Variants in VTI1A observed in about 807,000 individuals in gnomAD.
The protein encoded by VTI1A is vesicle transport through interaction with t-SNAREs homolog 1A.
A neutral mutation model predicts 34.9 loss-of-function variants in VTI1A; 22 were observed. The ratio of observed to expected loss-of-function variants is 0.63; its 90% CI spans 0.45 to 0.90. The LOEUF (loss-of-function observed/expected upper bound fraction) is 0.90. Among genes scored for constraint, VTI1A ranks in the 40% least tolerant of loss-of-function variants. The pLI is 0.00. For synonymous variants in VTI1A, 87 were observed against 97.3 expected (o/e 0.89, Z 0.62); for missense variants, 268 against 275.6 (o/e 0.97, Z 0.20).
At position 112,545,216 on chromosome 10, in the gene VTI1A, G is replaced by T. The variant is rs188038071; in HGVS notation, c.427+6886G>T. On this transcript the variant is annotated intron_variant, in intron 5 of 7. Coordinates refer to ENST00000393077, the MANE Select transcript of VTI1A (RefSeq NM_145206.4). ...TTTATCATTAATTCTTTAACAATTG[G>T]CGTGTGTTTCCAAAGATTCTTTTGT... Among the ~76,000 whole-genome samples the T allele has an allele frequency of 4.0e-4, 61 of 152,286 alleles. 1 individual carries two copies. The East Asian group carries it at 0.011, about 28-fold the overall frequency.
the VTI1A span, among the ~76,000 whole-genome samples, chr10:112,838,589 G>C: frequency 2.1e-4 from 32 of 152,262 alleles, no homozygotes; most frequent in Admixed American, 1.6e-3. Flanking sequence ...GAAGGGAGTA[G>C]GCAGGACGGG....
chr10:112,799,047 G>T (rs1852777445), intron 7 of VTI1A, among the ~76,000 whole-genome samples: 1 of 152,154 alleles, frequency 6.6e-6, no homozygotes, highest in Admixed American at 6.5e-5. Flanking sequence ...GGCTCCTGTT[G>T]ACCCCTCCCT....
Position 112,561,413 on chromosome 10 carries a change from A to G in VTI1A, c.427+23083A>G, listed in dbSNP as rs143579404. On this transcript the variant is annotated intron_variant, in intron 5 of 7. Transcript: ENST00000393077. The stretch of plus-strand genomic sequence containing the variant: ...TGGAATATAATGTTTGTTTCGCTGA[A>G]ATTTTGTAACAAGAAGTAGGCAGAA... Among the ~76,000 whole-genome samples, 588 of 152,292 alleles carry G rather than the reference A, an allele frequency of 3.9e-3. 3 individuals are homozygous for G. The highest frequency in any genetic ancestry group is 6.1e-3 in the Non-Finnish European group (415 of 68,014).
At chr10:112,820,842 G>A (rs117139277), downstream of VTI1A, among the ~76,000 whole-genome samples, 174 of 152,288 alleles carry the variant, frequency 1.1e-3, 1 homozygote, top group East Asian at 0.026. Context: ...ATATGTTGGG[G>A]GTTGGGTAGC....
At chr10:112,676,053 G>A (rs767418034) in intron 7 of VTI1A, among the ~76,000 whole-genome samples, 14 of 152,026 alleles carry the variant, frequency 9.2e-5, no homozygotes, top group Non-Finnish European at 1.3e-4. Context: ...TATCGTCATC[G>A]GTTTTAAAAG....
intron 3 of VTI1A, among the ~76,000 whole-genome samples, chr10:112,485,993 G>A (rs1848611885): frequency 6.6e-6 from 1 of 152,008 alleles, no homozygotes; most frequent in Non-Finnish European, 1.5e-5. Flanking sequence ...TCTTTTTGTA[G>A]CATCCTTTTA....
chr10:112,565,271 G>A (rs1014830439), intron 5 of VTI1A, among the ~76,000 whole-genome samples: 1 of 151,990 alleles, frequency 6.6e-6, no homozygotes, highest in Non-Finnish European at 1.5e-5. Flanking sequence ...CTATTTTAAA[G>A]AGATTACCAA....
chr10:112,533,073 A>G (rs1314825222), intron 4 of VTI1A, among the ~76,000 whole-genome samples: 1 of 152,102 alleles, frequency 6.6e-6, no homozygotes. Flanking sequence ...CCAAAGCATG[A>G]GCTATTAATC....
At chr10:112,535,778 T>C (rs565738102) in intron 4 of VTI1A, among the ~76,000 whole-genome samples, 3 of 152,320 alleles carry the variant, frequency 2.0e-5, no homozygotes, top group African/African-American at 7.2e-5. Context: ...CAGCTGCTAC[T>C]GTAGTGTATT....
At chr10:112,803,943 C>T (rs1193218588) in intron 7 of VTI1A, among the ~76,000 whole-genome samples, 2 of 152,212 alleles carry the variant, frequency 1.3e-5, no homozygotes, top group Non-Finnish European at 1.5e-5. Context: ...TTGATCCTAT[C>T]TGGGAGTCTG....
At chr10:112,479,657 C>G (rs1046139649) in intron 3 of VTI1A, among the ~76,000 whole-genome samples, 2 of 152,190 alleles carry the variant, frequency 1.3e-5, no homozygotes, top group Non-Finnish European at 2.9e-5. Context: ...TTTCACCCCC[C>G]ACCTTCCCGT....
At chr10:112,679,386 G>A (rs1848138872) in intron 7 of VTI1A, among the ~76,000 whole-genome samples, 1 of 152,078 alleles carries the variant, frequency 6.6e-6, no homozygotes, top group African/African-American at 2.4e-5. Flanking sequence ...TTCTTAAATT[G>A]TGATGTTTGA....
intron 7 of VTI1A, among the ~76,000 whole-genome samples, chr10:112,738,596 AG>A (rs1850583116): frequency 6.6e-6 from 1 of 152,192 alleles, no homozygotes; most frequent in African/African-American, 2.4e-5. Context: ...AGACATGTAA[AG>A]TTCAGTGTAA....
At chr10:112,519,155 T>A (rs1399350575) in intron 3 of VTI1A, among the ~76,000 whole-genome samples, 1 of 151,934 alleles carries the variant, frequency 6.6e-6, no homozygotes, top group Admixed American at 6.6e-5. Context: ...GGAAAATAGG[T>A]TATAAAAATT....
At chr10:112,626,409 G>GAT (rs1554925194) in intron 5 of VTI1A, among the ~76,000 whole-genome samples, 211 of 53,428 alleles carry the variant, frequency 3.9e-3, no homozygotes, top group Non-Finnish European at 3.9e-3. Context: ...TTGAATTTGA[G>GAT]ATATATAATC....
In VTI1A at chr10:112,618,482, G is replaced by T. The variant is rs373520455; in HGVS notation, c.428-49736G>T. Among the ~76,000 whole-genome samples the T allele has an allele frequency of 9.2e-4, 85 of 92,400 alleles. 3 individuals are homozygous for T. The East Asian group carries it at 0.025, about 27-fold the overall frequency. 60.6% of individuals were successfully genotyped at this position (92,400 alleles called of 152,430 possible). Reference sequence around the variant, plus strand: ...GGTTGGGATAATGAAATATACAAATGATTATATTATATATATATATATATA... The same window carrying T: ...GGTTGGGATAATGAAATATACAAATTATTATATTATATATATATATATATA... On this transcript the variant is annotated intron_variant, in intron 5 of 7. Coordinates refer to ENST00000393077, the MANE Select transcript of VTI1A (RefSeq NM_145206.4).
At chr10:112,530,335 T>C (rs1850373626) in intron 4 of VTI1A, among the ~76,000 whole-genome samples, 1 of 152,194 alleles carries the variant, frequency 6.6e-6, no homozygotes, top group African/African-American at 2.4e-5. Context: ...TTTTATTTCT[T>C]TGAAAGAGTT....
At chr10:112,500,847 C>T (rs533532924) in intron 3 of VTI1A, among the ~76,000 whole-genome samples, 1 of 152,282 alleles carries the variant, frequency 6.6e-6, no homozygotes, top group African/African-American at 2.4e-5. Flanking sequence ...TTTTAGGCCT[C>T]AGTTATTTTA....
At chr10:112,785,939 A>G (rs1852274844) in intron 7 of VTI1A, among the ~76,000 whole-genome samples, 1 of 152,102 alleles carries the variant, frequency 6.6e-6, no homozygotes, top group South Asian at 2.1e-4. Context: ...ACTCATTTTT[A>G]TACATTCTAG....
Sources: allele counts gnomAD v4.1 joint callset (sites outside exome capture counted in the v4.1 genomes callset), GRCh38; gene constraint gnomAD v4.1.1; transcripts MANE v1.5; gene names NCBI Gene and HGNC (gene_info 2026-07-23, HGNC 2026-07-21).